The following DPYSL2 variants were observed in gnomAD, a reference collection of about 807,000 sequenced individuals.
The protein encoded by DPYSL2 is dihydropyrimidinase-related protein 2.
A neutral mutation model predicts 69.9 loss-of-function variants in DPYSL2; 13 were observed. The observed-to-expected ratio is 0.19, with a 90% CI of 0.12 to 0.30. DPYSL2 has a LOEUF of 0.30. Ranked by LOEUF, DPYSL2 falls within the 10% of genes least tolerant of loss-of-function variation. The pLI, the probability that DPYSL2 is intolerant of heterozygous loss-of-function variation, is 1.00. For missense variants in DPYSL2, 587 were observed against 918.9 expected, an observed-to-expected ratio of 0.64 and a Z score of 4.67; for synonymous variants, 326 against 359.1, an observed-to-expected ratio of 0.91 and a Z score of 1.04.
rs549560440 is a variant in DPYSL2 at position 26,598,867 on chromosome 8, C to T, written c.628+14884C>T. Among the ~76,000 whole-genome samples the T allele has an allele frequency of 1.3e-5, 2 of 152,292 alleles. No homozygotes were observed. Among genetic ancestry groups the T allele is most frequent in the East Asian group, 3.9e-4 (2 of 5,178 alleles). On this transcript the variant is annotated intron_variant, in intron 3 of 13. Coordinates refer to ENST00000521913, the MANE Select transcript of DPYSL2 (RefSeq NM_001197293.3). This position sits in a 1 kb window ranked among gnomAD's most constrained non-coding sequence, Gnocchi z 4.2. ...TGAAAGCCCAGAAAGGGATGTGGCA[C>T]TCGGGCAGGACGGGGGCTGCTTCTG...
chr8:26,562,272 T>C lies in DPYSL2; in HGVS notation c.355-19697T>C, dbSNP rs922148036. Among the ~76,000 whole-genome samples the C allele has an allele frequency of 2.0e-5, 3 of 152,186 alleles. No homozygotes were observed. Among genetic ancestry groups the C allele is most frequent in the African/African-American group, 7.2e-5 (3 of 41,444 alleles). ...TCCACTCTACCTCACAGAGTTGTTGTGAGGATTAAATGTATTATGAGGCTT... is the reference window on the plus strand; with the variant it reads ...TCCACTCTACCTCACAGAGTTGTTGCGAGGATTAAATGTATTATGAGGCTT... On this transcript the variant is annotated intron_variant, in intron 1 of 13. Transcript: ENST00000521913. The surrounding 1 kb of genome is among the most constrained non-coding windows in gnomAD (Gnocchi z 4.9).
At position 26,622,151 on chromosome 8, in the gene DPYSL2, TTCCTTCC is replaced by T. The variant is rs1563413408; in HGVS notation, c.629-1991_629-1985del. Among the ~76,000 whole-genome samples the T allele has an allele frequency of 3.5e-3, 148 of 42,208 alleles. 6 individuals are homozygous for T. The highest frequency in any genetic ancestry group is 5.5e-3 in the Admixed American group (24 of 4,384). 27.7% of individuals were successfully genotyped at this position (42,208 alleles called of 152,430 possible). ...CTTCCTTCCTTCCTTCCTTCCTTCCTTCCTTCCCTCTCTCTCTCTTTCTTTCTTTCTT... is the reference window on the plus strand; with the variant it reads ...CTTCCTTCCTTCCTTCCTTCCTTCCTCTCTCTCTCTCTTTCTTTCTTTCTT... On this transcript the variant is annotated intron_variant, in intron 3 of 13. Transcript: ENST00000521913.
rs562264228 is a variant in DPYSL2, at chr8:26,614,695, A to T, written c.629-9448A>T. On this transcript the variant is annotated intron_variant, in intron 3 of 13. Transcript: ENST00000521913. The surrounding 1 kb of genome is among the most constrained non-coding windows in gnomAD (Gnocchi z 4.9). ...GAACAATGACCGATGGTGCCACTTG[A>T]TTTATATGAAGATACTGGTTTAGTT... Among the ~76,000 whole-genome samples, 1 of 152,276 alleles carries T rather than the reference A, an allele frequency of 6.6e-6. No homozygotes were observed. The highest frequency in any genetic ancestry group is 2.4e-5 in the African/African-American group (1 of 41,554).
At chr8:26,532,937 C>A (rs1033750385) in intron 1 of DPYSL2, among the ~76,000 whole-genome samples, 1 of 152,116 alleles carries the variant, frequency 6.6e-6, no homozygotes, top group Non-Finnish European at 1.5e-5. Flanking sequence ...TGAGGAACTG[C>A]CAAACTGTTT....
intron 1 of DPYSL2, among the ~76,000 whole-genome samples, chr8:26,561,435 T>G (rs1801068730): frequency 6.6e-6 from 1 of 152,142 alleles, no homozygotes; most frequent in African/African-American, 2.4e-5. Flanking sequence ...CCCCAACTTC[T>G]CACTTGAGTG....
At position 26,598,106 on chromosome 8, in the gene DPYSL2, G is replaced by A. The variant is rs985809545; in HGVS notation, c.628+14123G>A. 2.6e-5 allele frequency among the ~76,000 whole-genome samples: 4 copies of A among 152,156 alleles called. No individual in the cohort carries two copies. Among genetic ancestry groups the A allele is most frequent in the South Asian group, 2.1e-4 (1 of 4,830 alleles). ...GCTTTGAGGATCCAGGGAGGTGGTG[G>A]CTATGGCAGGGCTTGGACAAATTAC... On this transcript the variant is annotated intron_variant, in intron 3 of 13. Coordinates refer to ENST00000521913, the MANE Select transcript of DPYSL2 (RefSeq NM_001197293.3). This position sits in a 1 kb window ranked among gnomAD's most constrained non-coding sequence, Gnocchi z 4.2.
rs1801054949 is a variant in DPYSL2 at position 26,560,563 on chromosome 8, A to G, written c.355-21406A>G. Among the ~76,000 whole-genome samples the G allele has an allele frequency of 6.6e-6, 1 of 152,074 alleles. No individual in the cohort carries two copies. The highest frequency in any genetic ancestry group is 1.5e-5 in the Non-Finnish European group (1 of 68,016). On this transcript the variant is annotated intron_variant, in intron 1 of 13. Transcript: ENST00000521913. This position sits in a 1 kb window ranked among gnomAD's most constrained non-coding sequence, Gnocchi z 4.4. ...TGCACCCCATGAGAAATTCTAGGTG[A>G]AGGATTTGAGGGCTTCCTCTCTCCC...
At chr8:26,600,049 A>G (rs559828312) in intron 3 of DPYSL2, among the ~76,000 whole-genome samples, 241 of 152,362 alleles carry the variant, frequency 1.6e-3, no homozygotes, top group African/African-American at 4.7e-3. Context: ...TTCCCTTAGC[A>G]TAATGTTTTC....
At chr8:26,554,328 A>G (rs1281117427) in intron 1 of DPYSL2, among the ~76,000 whole-genome samples, 1 of 150,860 alleles carries the variant, frequency 6.6e-6, no homozygotes, top group East Asian at 1.9e-4. Context: ...TCTTCTTTTG[A>G]AAAGTGTCTG....
In DPYSL2 at chr8:26,514,509, G is replaced by A; in HGVS notation, c.184G>A (p.Gly62Arg). The change falls in exon 1 of 14, where the codon GGG (glycine) becomes AGG (arginine). Residue 62 changes from glycine (G) to arginine (R), a missense_variant. By Grantham distance (125) the Gly-to-Arg change is moderately radical. Around this residue, in one of 3 missense-constraint regions of DPYSL2, gnomAD observed 50 missense variants for 86.8 expected, o/e 0.58. Coordinates refer to ENST00000521913, the MANE Select transcript of DPYSL2 (RefSeq NM_001197293.3). This position sits in a 1 kb window ranked among gnomAD's most constrained non-coding sequence, Gnocchi z 8.4. ...CTCGCTGTCGGTGGGCCGGGGCTCGGGGCAGGTGGTGGCTCAGCAGCGGGA... is the reference window on the plus strand; with the variant it reads ...CTCGCTGTCGGTGGGCCGGGGCTCGAGGCAGGTGGTGGCTCAGCAGCGGGA... ...FDSLSVGRGS[G>R]QVVAQQRDVA... The A allele has an allele frequency of 6.5e-7, 1 of 1,529,862 alleles. No individual in the cohort carries two copies. The allele number at this position is 1,529,862 out of a possible 1,614,324, so 94.8% of individuals were successfully genotyped here. A position where few individuals can be genotyped will look rare whatever the true frequency, so the allele number is the denominator to read the frequency against.
At chr8:26,623,160 G>A (rs949941942) in intron 3 of DPYSL2, among the ~76,000 whole-genome samples, 4 of 152,158 alleles carry the variant, frequency 2.6e-5, no homozygotes, top group Non-Finnish European at 1.5e-5. Flanking sequence ...GTGGTGGGAG[G>A]CAGCAGGTAG....
Position 26,618,176 on chromosome 8 carries a change from C to T in DPYSL2, c.629-5967C>T, listed in dbSNP as rs7015088. Among the ~76,000 whole-genome samples the T allele has an allele frequency of 8.9e-3, 1,361 of 152,272 alleles. 18 individuals carry two copies. Among genetic ancestry groups the T allele is most frequent in the African/African-American group, 0.03 (1,229 of 41,534 alleles). On this transcript the variant is annotated intron_variant, in intron 3 of 13. Transcript: ENST00000521913. The stretch of plus-strand genomic sequence containing the variant: ...ATAAACCAGATTCACAGGCCCACCA[C>T]GCAGACCATGAGGGTGTTTCCAGTC...
chr8:26,653,344 A>C lies in DPYSL2; in HGVS notation c.1889A>C (p.Lys630Thr). The change falls in exon 13 of 14, where the codon AAG becomes ACG. Residue 630 changes from lysine (K) to threonine (T), a missense_variant. By Grantham distance (78) the Lys-to-Thr change is moderately conservative (BLOSUM62 -1). Transcript: ENST00000521913. The surrounding 1 kb of genome is among the most constrained non-coding windows in gnomAD (Gnocchi z 5.7). ...PASSAKTSPA[K>T]QQAPPVRNLH... Reference sequence around the variant, plus strand: ...TCCTCGGCCAAGACGTCTCCTGCCAAGCAGCAGGCCCCACCTGTCCGGAAC... The same window carrying C: ...TCCTCGGCCAAGACGTCTCCTGCCACGCAGCAGGCCCCACCTGTCCGGAAC... The C allele has an allele frequency of 6.2e-7, 1 of 1,614,104 alleles. No individual in the cohort carries two copies. The highest frequency in any genetic ancestry group is 8.5e-7 in the Non-Finnish European group (1 of 1,180,010).
intron 1 of DPYSL2, among the ~76,000 whole-genome samples, chr8:26,575,744 T>C (rs1801316052): frequency 1.3e-5 from 2 of 152,210 alleles, no homozygotes; most frequent in African/African-American, 4.8e-5. Context: ...CCCATTACGC[T>C]CAAACAACAG....
At chr8:26,535,113 C>G (rs1800570285) in intron 1 of DPYSL2, among the ~76,000 whole-genome samples, 1 of 152,204 alleles carries the variant, frequency 6.6e-6, no homozygotes, top group South Asian at 2.1e-4. Flanking sequence ...GGATGGCAGT[C>G]TGAGATCAGG....
At chr8:26,638,972 C>A (rs17055582) in intron 8 of DPYSL2, among the ~76,000 whole-genome samples, 1 of 152,146 alleles carries the variant, frequency 6.6e-6, no homozygotes, top group African/African-American at 2.4e-5. Flanking sequence ...TGGGCAGTGC[C>A]TGATGACCTC....
At chr8:26,592,566 C>T (rs1331511650) in intron 3 of DPYSL2, among the ~76,000 whole-genome samples, 4 of 151,766 alleles carry the variant, frequency 2.6e-5, no homozygotes, top group African/African-American at 9.7e-5. Context: ...ACCTCCACCT[C>T]CCAGGTACAA....
chr8:26,653,626 T>G lies in DPYSL2; in HGVS notation c.1942+229T>G, dbSNP rs1372275964. On this transcript the variant is annotated intron_variant, in intron 13 of 13. Coordinates refer to ENST00000521913, the MANE Select transcript of DPYSL2 (RefSeq NM_001197293.3). This position sits in a 1 kb window ranked among gnomAD's most constrained non-coding sequence, Gnocchi z 5.7. The stretch of plus-strand genomic sequence containing the variant: ...CAGACTGGAGTGCAATGGCACGACC[T>G]TGGCTCACTGCAACCTCCACCTCCT... 6.6e-6 allele frequency among the ~76,000 whole-genome samples: 1 copy of G among 152,218 alleles called. No individual in the cohort carries two copies.
chr8:26,549,976 A>G (rs892346696), intron 1 of DPYSL2, among the ~76,000 whole-genome samples: 2 of 152,230 alleles, frequency 1.3e-5, no homozygotes, highest in Admixed American at 1.3e-4. Flanking sequence ...AAAGAAAGGA[A>G]GAGTGTTAGA....
Sources: gnomAD v4.1 joint callset for allele counts (sites outside exome capture counted in the v4.1 genomes callset) on GRCh38, gnomAD v4.1.1 for gene constraint, gnomAD v4.1.1 regional missense constraint, Gnocchi (gnomAD v3.1) non-coding constraint, MANE v1.5 for transcripts, NCBI Gene and HGNC (gene_info 2026-07-23, HGNC 2026-07-21) for gene names.